EIF2AK2: variants seen among roughly 807,000 people sequenced by gnomAD.
EIF2AK2 encodes the protein interferon-induced, double-stranded RNA-activated protein kinase.
In EIF2AK2, 40 loss-of-function variants were observed where a neutral mutation model predicts 70.5. The observed-to-expected ratio is 0.57, with a 90% CI of 0.44 to 0.74. The LOEUF (loss-of-function observed/expected upper bound fraction) is 0.74, where lower values mean the gene tolerates loss of function less well. Among genes scored for constraint, EIF2AK2 ranks in the 30% least tolerant of loss-of-function variants. The probability of loss-of-function intolerance (pLI) is 0.00; values close to 1 mark genes in which losing one functional copy is unlikely to be tolerated. For missense variants in EIF2AK2, 555 were observed against 644.3 expected, an observed-to-expected ratio of 0.86 and a Z score of 1.50; for synonymous variants, 198 against 220.9, an observed-to-expected ratio of 0.90 and a Z score of 0.92.
At chr2:37,124,519 A>G (rs539666739) in intron 11 of EIF2AK2, among the ~76,000 whole-genome samples, 38 of 152,132 alleles carry the variant, frequency 2.5e-4, no homozygotes, top group African/African-American at 8.2e-4. Context: ...TTGGCCTCCC[A>G]AAGTGCTGGG....
Position 37,146,987 on chromosome 2 carries a change from GAA to G in EIF2AK2, c.120-16_120-15del, listed in dbSNP as rs1410695728. ...TGAAATGTAAACCTGATTACAAAGA[GAA>G]TATTCATAAAATATTATACAACTCA... On this transcript the variant is annotated splice_polypyrimidine_tract_variant and intron_variant, in intron 3 of 16. Coordinates refer to ENST00000233057, the MANE Select transcript of EIF2AK2 (RefSeq NM_001135651.3). 6.2e-7 allele frequency: 1 copy of G among 1,602,100 alleles called. No homozygotes were observed. The highest frequency in any genetic ancestry group is 8.5e-7 in the Non-Finnish European group (1 of 1,174,382).
intron 15 of EIF2AK2, 84 bp downstream of exon 15, chr2:37,109,110 A>AGGAT: frequency 8.3e-7 from 1 of 1,198,006 alleles, no homozygotes; most frequent in Non-Finnish European, 1.2e-6. Context: ...TCCTCACGTG[A>AGGAT]GGGCAAGAAC....
At chr2:37,120,865 G>A (rs1305976477) in intron 12 of EIF2AK2, among the ~76,000 whole-genome samples, 2 of 149,184 alleles carry the variant, frequency 1.3e-5, no homozygotes, top group East Asian at 1.9e-4. Flanking sequence ...TCGGGAGGAT[G>A]AGGCACGAGA....
At chr2:37,144,242 T>TA (rs1675443071) in intron 4 of EIF2AK2, among the ~76,000 whole-genome samples, 1 of 152,068 alleles carries the variant, frequency 6.6e-6, no homozygotes, top group Non-Finnish European at 1.5e-5. Context: ...TACAGTCTTA[T>TA]AAAAAAGTCT....
rs536992086 is a variant in EIF2AK2 at position 37,138,962 on chromosome 2, A to ATT, written c.517-379_517-378dup. On this transcript the variant is annotated intron_variant, in intron 6 of 16. Transcript: ENST00000233057. Reference sequence around the variant, plus strand: ...AGGTACATGCCACCACACCCGTCTAATTTTTTTTTTTTTTTGTAGCGACAT... The same window carrying ATT: ...AGGTACATGCCACCACACCCGTCTAATTTTTTTTTTTTTTTTTGTAGCGACAT... Among the ~76,000 whole-genome samples the ATT allele has an allele frequency of 3.2e-3, 449 of 140,804 alleles. 3 individuals carry two copies. The highest frequency in any genetic ancestry group is 9.7e-3 in the African/African-American group (371 of 38,232). 92.4% of individuals were successfully genotyped at this position (140,804 alleles called of 152,430 possible).
intron 14 of EIF2AK2, among the ~76,000 whole-genome samples, chr2:37,112,294 AC>A (rs1175032331): frequency 2.6e-5 from 4 of 151,978 alleles, no homozygotes; most frequent in Non-Finnish European, 5.9e-5. Context: ...CAAGAAATAG[AC>A]CCTTGGTATT....
chr2:37,144,963 C>T (rs1265210227), intron 4 of EIF2AK2, among the ~76,000 whole-genome samples: 8 of 151,440 alleles, frequency 5.3e-5, no homozygotes, highest in African/African-American at 1.5e-4. Flanking sequence ...CATGGCTCCT[C>T]GACATCCCAG....
chr2:37,119,302 A>G (rs748866795), intron 13 of EIF2AK2, among the ~76,000 whole-genome samples: 1 of 152,210 alleles, frequency 6.6e-6, no homozygotes, highest in Non-Finnish European at 1.5e-5. Context: ...TAACCAAGAC[A>G]GTATTAGACT....
intron 3 of EIF2AK2, among the ~76,000 whole-genome samples, chr2:37,147,439 T>G (rs1573039197): frequency 6.7e-6 from 1 of 150,140 alleles, no homozygotes; most frequent in East Asian, 2.0e-4. Flanking sequence ...ATTAGGTATA[T>G]CTCCTAATGC....
chr2:37,148,602 C>G, intron 2 of EIF2AK2: 1 of 841,362 alleles, frequency 1.2e-6, no homozygotes, highest in Non-Finnish European at 2.1e-6. Context: ...ACTTGTCACA[C>G]AGGTTTTAAG....
chr2:37,121,834 C>T (rs1674565932), intron 12 of EIF2AK2, among the ~76,000 whole-genome samples: 1 of 151,878 alleles, frequency 6.6e-6, no homozygotes, highest in Admixed American at 6.6e-5. Flanking sequence ...GGAGGTGGGG[C>T]AGGAGAAAAT....
chr2:37,148,181 A>C (rs1675620760), intron 2 of EIF2AK2, among the ~76,000 whole-genome samples: 1 of 152,118 alleles, frequency 6.6e-6, no homozygotes, highest in South Asian at 2.1e-4. Flanking sequence ...AAAATAAAGG[A>C]AAGAAAAAAA....
intron 13 of EIF2AK2, among the ~76,000 whole-genome samples, chr2:37,118,570 G>A (rs4648221): frequency 0.054 from 8,292 of 152,244 alleles, 263 homozygotes; most frequent in Middle Eastern, 0.11. Context: ...AGAAATAATT[G>A]TGCTTATTTG....
At chr2:37,124,491 C>T (rs1222864940) in intron 11 of EIF2AK2, among the ~76,000 whole-genome samples, 1 of 152,016 alleles carries the variant, frequency 6.6e-6, no homozygotes, top group East Asian at 1.9e-4. Flanking sequence ...AGTCTCTTGA[C>T]CTCGTGATCT....
intron 14 of EIF2AK2, among the ~76,000 whole-genome samples, chr2:37,112,316 C>T (rs1674190725): frequency 6.6e-6 from 1 of 152,146 alleles, no homozygotes; most frequent in African/African-American, 2.4e-5. Context: ...TTCTGCACCA[C>T]TAAGAAACTG....
At chr2:37,149,173 A>T in intron 1 of EIF2AK2, 150 bp from the exon 2 acceptor site, 1 of 1,031,866 alleles carries the variant, frequency 9.7e-7, no homozygotes. Context: ...ATTGTTTAGG[A>T]TGTTTCTATG....
rs1349965539 is a variant in EIF2AK2 at position 37,102,348 on chromosome 2, T to A, written c.*4925A>T. 2 of 152,128 alleles carry A rather than the reference T, an allele frequency of 1.3e-5. No individual in the cohort carries two copies. Among genetic ancestry groups the A allele is most frequent in the Non-Finnish European group, 2.9e-5 (2 of 68,014 alleles). The allele number at this position is 152,128 out of a possible 1,614,324, so 9.4% of individuals were successfully genotyped here. ...ATTGATATTTGTTGCAGCTGGGTGA[T>A]GGGTAGAGTTTCATTATTCTATTTT... On this transcript the variant is annotated 3_prime_UTR_variant, in exon 17 of 17. Coordinates refer to ENST00000233057, the MANE Select transcript of EIF2AK2 (RefSeq NM_001135651.3).
rs370467450 is a variant in EIF2AK2, at chr2:37,135,566, T to G, written c.723-20A>C. On this transcript the variant is annotated intron_variant, in intron 9 of 16. Coordinates refer to ENST00000233057, the MANE Select transcript of EIF2AK2 (RefSeq NM_001135651.3). ...AAAGATCTAAAAATTAAGAGTTGAA[T>G]GTAAAACTCAAATAAAATTGAAATC... The G allele has an allele frequency of 6.3e-7, 1 of 1,585,402 alleles. No homozygotes were observed. The highest frequency in any genetic ancestry group is 8.6e-7 in the Non-Finnish European group (1 of 1,163,762).
intron 1 of EIF2AK2, among the ~76,000 whole-genome samples, chr2:37,149,795 C>T (rs1409886531): frequency 6.6e-6 from 1 of 152,206 alleles, no homozygotes; most frequent in Non-Finnish European, 1.5e-5. Flanking sequence ...AGTCGTGTTA[C>T]TTGTTTCAAA....
Sources: allele counts gnomAD v4.1 joint callset (sites outside exome capture counted in the v4.1 genomes callset), GRCh38; gene constraint gnomAD v4.1.1; transcripts MANE v1.5; gene names NCBI Gene and HGNC (gene_info 2026-07-23, HGNC 2026-07-21).